Variants in PDE5A observed in about 807,000 individuals in gnomAD.
The protein encoded by PDE5A is cGMP-specific 3',5'-cyclic phosphodiesterase.
In PDE5A, 67 loss-of-function variants were observed where a neutral mutation model predicts 110.2. The observed-to-expected ratio is 0.61, with a 90% CI of 0.50 to 0.75. PDE5A has a LOEUF of 0.75. PDE5A is among the 30% of genes least tolerant of loss of function. The pLI, the probability that PDE5A is intolerant of heterozygous loss-of-function variation, is 0.00. For synonymous variants in PDE5A, 328 were observed against 351.2 expected, an observed-to-expected ratio of 0.93 and a Z score of 0.74; for missense variants, 862 against 1,045.1, an observed-to-expected ratio of 0.82 and a Z score of 2.42.
chr4:119,504,229 A>T (rs754283399), intron 18 of PDE5A, among the ~76,000 whole-genome samples: 1 of 152,196 alleles, frequency 6.6e-6, no homozygotes, highest in African/African-American at 2.4e-5. Flanking sequence ...GAGTTAGTTC[A>T]TTAAGGATAA....
chr4:119,609,732 A>G (rs965650697), intron 1 of PDE5A, among the ~76,000 whole-genome samples: 2 of 152,188 alleles, frequency 1.3e-5, no homozygotes, highest in African/African-American at 4.8e-5. Context: ...TATAGTTAAT[A>G]ATAATGTATT....
chr4:119,548,665 T>G (rs1052875541), intron 9 of PDE5A: 2 of 152,198 alleles, frequency 1.3e-5, no homozygotes, highest in African/African-American at 4.8e-5. Flanking sequence ...GTTTTCCTTA[T>G]TTTTGTCTTT....
At chr4:119,628,392 T>C (rs367883396) in intron 1 of PDE5A, 128 bp downstream of exon 1, 6 of 669,158 alleles carry the variant, frequency 9.0e-6, no homozygotes, top group African/African-American at 3.6e-5. Context: ...AGAGTTGAGG[T>C]TTCTACCTCG....
chr4:119,587,548 T>A (rs1242961391), intron 3 of PDE5A, among the ~76,000 whole-genome samples: 2 of 152,108 alleles, frequency 1.3e-5, no homozygotes, highest in Non-Finnish European at 2.9e-5. Context: ...CGCGCCCGGC[T>A]AATTTTTTTG....
intron 6 of PDE5A, among the ~76,000 whole-genome samples, chr4:119,562,319 TC>T (rs1421953738): frequency 6.6e-6 from 1 of 152,212 alleles, no homozygotes; most frequent in Non-Finnish European, 1.5e-5. Context: ...TTAGTGGTTT[TC>T]CACTGTTGGT....
chr4:119,506,825 A>G lies in PDE5A; in HGVS notation c.2189+779T>C, dbSNP rs182345601. On this transcript the variant is annotated intron_variant, in intron 16 of 20. Coordinates refer to ENST00000354960, the MANE Select transcript of PDE5A (RefSeq NM_001083.4). Reference sequence around the variant, plus strand: ...GTTACTTCTAGATGTATAACAGTAGATATCTGGCAGATGTTTTTGTGTTTT... The same window carrying G: ...GTTACTTCTAGATGTATAACAGTAGGTATCTGGCAGATGTTTTTGTGTTTT... 1.2e-4 allele frequency among the ~76,000 whole-genome samples: 19 copies of G among 152,060 alleles called. No individual in the cohort carries two copies. The East Asian group carries it at 3.3e-3, about 26-fold the overall frequency.
intron 17 of PDE5A, among the ~76,000 whole-genome samples, chr4:119,505,179 T>C (rs934347700): frequency 6.6e-6 from 1 of 152,016 alleles, no homozygotes; most frequent in African/African-American, 2.4e-5. Flanking sequence ...AATCCATCTA[T>C]ATTTTTATTT....
chr4:119,587,482 C>T (rs992063798), intron 3 of PDE5A, among the ~76,000 whole-genome samples: 5 of 151,872 alleles, frequency 3.3e-5, no homozygotes, highest in African/African-American at 1.2e-4. Flanking sequence ...TTCCCGGGTT[C>T]ACGCCATTCT....
In PDE5A at chr4:119,606,826, A is replaced by G. The variant is rs1017874161; in HGVS notation, c.624T>C (p.Ala208=). The part of the protein sequence containing the change: ...KFLISRLFDV[A]EGSTLEEVSN... ...AAACTTCTTCCAGTGTTGAACCTTC[A>G]GCAACATCAAAGAGGCGGCTGATAA... Residue 208 remains alanine (A), a synonymous_variant, in exon 2 of 21, where the codon GCT becomes GCC. Coordinates refer to ENST00000354960, the MANE Select transcript of PDE5A (RefSeq NM_001083.4). 1.2e-6 allele frequency: 2 copies of G among 1,614,092 alleles called. No individual in the cohort carries two copies. The highest frequency in any genetic ancestry group is 1.7e-6 in the Non-Finnish European group (2 of 1,180,044).
intron 20 of PDE5A, among the ~76,000 whole-genome samples, chr4:119,500,659 A>ATGT (rs1282132144): frequency 6.6e-6 from 1 of 152,094 alleles, no homozygotes; most frequent in East Asian, 1.9e-4. Flanking sequence ...AATAAGTTAG[A>ATGT]TGTTTTAGGG....
At chr4:119,527,808 T>C (rs1002505545) in intron 11 of PDE5A, among the ~76,000 whole-genome samples, 26 of 152,118 alleles carry the variant, frequency 1.7e-4, no homozygotes, top group African/African-American at 4.8e-5. Context: ...TTACAGAGTC[T>C]GTAAAACAAT....
chr4:119,503,928 A>G (rs899374135), intron 18 of PDE5A, among the ~76,000 whole-genome samples: 2 of 150,366 alleles, frequency 1.3e-5, no homozygotes, highest in Admixed American at 6.7e-5. Context: ...GCTACCTTTA[A>G]GAGTAAAAAC....
At chr4:119,504,486 G>T (rs1725488297) in intron 18 of PDE5A, 50 bp downstream of exon 18, 2 of 1,423,996 alleles carry the variant, frequency 1.4e-6, no homozygotes, top group Non-Finnish European at 2.0e-6. Flanking sequence ...TTGCTGGGTA[G>T]AATGTTATTT....
rs76744984 is a variant in PDE5A, at chr4:119,615,946, T to C, written c.153-8649A>G. On this transcript the variant is annotated intron_variant, in intron 1 of 20. Coordinates refer to ENST00000354960, the MANE Select transcript of PDE5A (RefSeq NM_001083.4). ...GAACATTGAAGCCAATAATTTATAG[T>C]CAATGATAAGAGCCTGAGTTTTACA... Among the ~76,000 whole-genome samples the C allele has an allele frequency of 4.2e-3, 646 of 152,296 alleles. 6 individuals carry two copies. The highest frequency in any genetic ancestry group is 0.014 in the African/African-American group (590 of 41,572).
At chr4:119,586,144 C>T (rs557101252) in intron 3 of PDE5A, among the ~76,000 whole-genome samples, 66 of 152,238 alleles carry the variant, frequency 4.3e-4, no homozygotes, top group African/African-American at 1.3e-3. Flanking sequence ...ATAACCAATA[C>T]GGCATAGTAC....
At chr4:119,501,102 T>C (rs1252993094) in intron 20 of PDE5A, 68 bp downstream of exon 20, 1 of 907,670 alleles carries the variant, frequency 1.1e-6, no homozygotes, top group Non-Finnish European at 1.8e-6. Context: ...AATATTAATC[T>C]CTTCAATTTT....
intron 20 of PDE5A, chr4:119,500,959 G>T: frequency 2.0e-6 from 1 of 512,216 alleles, no homozygotes. Flanking sequence ...CAATTTGTTG[G>T]AGATTAGCAC....
intron 3 of PDE5A, among the ~76,000 whole-genome samples, chr4:119,575,829 C>T (rs943740309): frequency 2.0e-5 from 3 of 152,190 alleles, no homozygotes; most frequent in African/African-American, 7.2e-5. Flanking sequence ...CAAATTCACA[C>T]ATAACAATAT....
chr4:119,516,008 A>C (rs1291571274), intron 14 of PDE5A, among the ~76,000 whole-genome samples: 1 of 152,154 alleles, frequency 6.6e-6, no homozygotes, highest in Non-Finnish European at 1.5e-5. Flanking sequence ...TTTCATTCCT[A>C]ATCAGTGTGA....
Sources: gnomAD v4.1 joint callset for allele counts (sites outside exome capture counted in the v4.1 genomes callset) on GRCh38, gnomAD v4.1.1 for gene constraint, MANE v1.5 for transcripts, NCBI Gene and HGNC (gene_info 2026-07-23, HGNC 2026-07-21) for gene names.